Variants in TDRD5 observed in about 807,000 individuals in gnomAD.
TDRD5 encodes the protein tudor domain containing 5.
TDRD5 carries 41 observed loss-of-function variants against 120.6 expected under a neutral mutation model. The observed-to-expected ratio is 0.34, with a 90% CI of 0.26 to 0.44. The LOEUF (loss-of-function observed/expected upper bound fraction) is 0.44. TDRD5 is among the 20% of genes least tolerant of loss of function. The pLI is 1.00. For synonymous variants in TDRD5, 430 were observed against 433.7 expected, an observed-to-expected ratio of 0.99 and a Z score of 0.11; for missense variants, 1,006 against 1,221.2, an observed-to-expected ratio of 0.82 and a Z score of 2.63.
chr1:179,663,618 T>G (rs1679424203), intron 16 of TDRD5, 127 bp downstream of exon 16: 1 of 1,294,346 alleles, frequency 7.7e-7, no homozygotes, highest in Admixed American at 3.1e-5. Flanking sequence ...CTGTAGCTGT[T>G]ACTGTTGATG....
intron 17 of TDRD5, among the ~76,000 whole-genome samples, chr1:179,670,173 C>T (rs12096632): frequency 4.6e-5 from 7 of 152,010 alleles, no homozygotes; most frequent in African/African-American, 9.7e-5. Context: ...GGGTGGATCA[C>T]GAGGTCAGGA....
intron 4 of TDRD5, among the ~76,000 whole-genome samples, chr1:179,602,474 T>C (rs1374370074): frequency 6.6e-6 from 1 of 152,232 alleles, no homozygotes; most frequent in Non-Finnish European, 1.5e-5. Flanking sequence ...AGAAGGGTTT[T>C]TCCAATGTTA....
intron 11 of TDRD5, among the ~76,000 whole-genome samples, chr1:179,642,247 T>G (rs1445353705): frequency 6.6e-6 from 1 of 151,996 alleles, no homozygotes; most frequent in Non-Finnish European, 1.5e-5. Context: ...ATTATAGGCA[T>G]GTGCCACCAT....
intron 4 of TDRD5, among the ~76,000 whole-genome samples, chr1:179,609,626 G>C (rs1676175760): frequency 6.6e-6 from 1 of 152,162 alleles, no homozygotes; most frequent in Admixed American, 6.5e-5. Flanking sequence ...AGCAGACCAA[G>C]ACCTGCAGGT....
At chr1:179,625,793 G>A (rs1317245759) in intron 6 of TDRD5, among the ~76,000 whole-genome samples, 1 of 152,098 alleles carries the variant, frequency 6.6e-6, no homozygotes, top group South Asian at 2.1e-4. Context: ...TGGTACGTTT[G>A]TACAACAAAA....
At chr1:179,647,779 G>T (rs1391681112) in intron 11 of TDRD5, among the ~76,000 whole-genome samples, 2 of 149,376 alleles carry the variant, frequency 1.3e-5, no homozygotes, top group Non-Finnish European at 3.0e-5. Flanking sequence ...ATCAAAAAGT[G>T]GGCAAAGGAC....
At chr1:179,631,653 A>C (rs72706741) in intron 7 of TDRD5, among the ~76,000 whole-genome samples, 13,654 of 152,046 alleles carry the variant, frequency 0.09, 667 homozygotes, top group Middle Eastern at 0.12. Context: ...AGTTCCCAAA[A>C]ACCTTTCACC....
chr1:179,635,139 T>C (rs1215959199), intron 8 of TDRD5, among the ~76,000 whole-genome samples: 1 of 152,298 alleles, frequency 6.6e-6, no homozygotes, highest in African/African-American at 2.4e-5. Context: ...GCTTCTTTCA[T>C]GGAAGGAAAA....
intron 11 of TDRD5, among the ~76,000 whole-genome samples, chr1:179,649,321 T>C (rs1286750701): frequency 6.6e-6 from 1 of 152,170 alleles, no homozygotes; most frequent in Non-Finnish European, 1.5e-5. Context: ...TTTATATTTG[T>C]ATTCTTCTTA....
intron 6 of TDRD5, among the ~76,000 whole-genome samples, chr1:179,623,859 TA>T (rs1165469758): frequency 6.6e-6 from 1 of 152,008 alleles, no homozygotes; most frequent in East Asian, 1.9e-4. Context: ...GGCAGGTATT[TA>T]ACTCCTGCCC....
In TDRD5 at chr1:179,690,726, A is replaced by G; in HGVS notation, c.2891A>G (p.Glu964Gly). The G allele has an allele frequency of 6.2e-7, 1 of 1,614,074 alleles. No homozygotes were observed. Among genetic ancestry groups the G allele is most frequent in the Non-Finnish European group, 8.5e-7 (1 of 1,179,972 alleles). The change falls in exon 18 of 18, where the codon GAA becomes GGA. Residue 964 changes from glutamate (E) to glycine (G), a missense_variant. Coordinates refer to ENST00000444136, the MANE Select transcript of TDRD5 (RefSeq NM_001199085.3). The part of the protein sequence containing the change: ...VESSPEILKN[E>G]DFSSSRAITL... ...AGCTCACCAGAGATCCTAAAGAATG[A>G]AGATTTTTCTAGCAGCCGTGCTATT...
intron 17 of TDRD5, among the ~76,000 whole-genome samples, chr1:179,680,563 A>G (rs186558612): frequency 6.6e-6 from 1 of 152,138 alleles, no homozygotes; most frequent in Admixed American, 6.5e-5. Flanking sequence ...TTTGAAATCT[A>G]TTTAGTTGAT....
In TDRD5 at chr1:179,593,332, T is replaced by TA; in HGVS notation, c.233-127dup. The TA allele has an allele frequency of 1.2e-5, 12 of 1,032,350 alleles. No individual in the cohort carries two copies. In the South Asian group the frequency reaches 1.8e-4, roughly 16 times the overall value. 63.9% of individuals were successfully genotyped at this position (1,032,350 alleles called of 1,614,324 possible). A position where few individuals can be genotyped will look rare whatever the true frequency, so the allele number is the denominator to read the frequency against. On this transcript the variant is annotated intron_variant, in intron 2 of 17. Transcript: ENST00000444136. ...TGCAAGAAATCGAGGAACCAAGAGT[T>TA]ACTGTTTATCGTGCTGCCTGGATAA... is the stretch of plus-strand genomic sequence containing the variant.
chr1:179,613,859 A>G (rs770467181), intron 4 of TDRD5, among the ~76,000 whole-genome samples: 7 of 152,220 alleles, frequency 4.6e-5, no homozygotes, highest in Non-Finnish European at 8.8e-5. Context: ...ATACCTAACA[A>G]ATATTTAAGC....
rs1680490906 is a variant in TDRD5 at position 179,682,689 on chromosome 1, T to G, written c.2861-8007T>G. Among the ~76,000 whole-genome samples, 3 of 150,276 alleles carry G rather than the reference T, an allele frequency of 2.0e-5. No individual in the cohort carries two copies. The South Asian group carries it at 6.3e-4, about 32-fold the overall frequency. ...TGGGGAGATGCAGTTTAATTTCCCTTTTTTTTTTTCTTTCAGTGTTCCTTT... is the reference window on the plus strand; with the variant it reads ...TGGGGAGATGCAGTTTAATTTCCCTGTTTTTTTTTCTTTCAGTGTTCCTTT... On this transcript the variant is annotated intron_variant, in intron 17 of 17. Transcript: ENST00000444136.
At chr1:179,593,157 G>A (rs1675209153) in intron 2 of TDRD5, among the ~76,000 whole-genome samples, 2 of 152,236 alleles carry the variant, frequency 1.3e-5, no homozygotes, top group Non-Finnish European at 2.9e-5. Context: ...TTTAAATTTC[G>A]TGAAGCACAA....
rs372109979 is a variant in TDRD5, at chr1:179,592,398, A to C, written c.-14-204A>C. ...CATGGCCAGGGGCAGAGTTCTTGAC[A>C]CCTGTAGCTTAATCAACGCAGGTGG... On this transcript the variant is annotated intron_variant, in intron 1 of 17. Transcript: ENST00000444136. 63 of 524,354 alleles carry C rather than the reference A, an allele frequency of 1.2e-4. 1 individual carries two copies. In the East Asian group the frequency reaches 1.8e-3, roughly 15 times the overall value. The allele number at this position is 524,354 out of a possible 1,614,324, so 32.5% of individuals were successfully genotyped here.
rs185878115 is a variant in TDRD5, at chr1:179,684,158, A to G, written c.2861-6538A>G. ...GTTGTGCTACACCCATTAACTCGTCATTTACATTAGGTATATCTCCTAATG... is the reference window on the plus strand; with the variant it reads ...GTTGTGCTACACCCATTAACTCGTCGTTTACATTAGGTATATCTCCTAATG... On this transcript the variant is annotated intron_variant, in intron 17 of 17. Coordinates refer to ENST00000444136, the MANE Select transcript of TDRD5 (RefSeq NM_001199085.3). Among the ~76,000 whole-genome samples the G allele has an allele frequency of 1.2e-4, 19 of 152,122 alleles. No individual in the cohort carries two copies. The East Asian group carries it at 2.3e-3, about 19-fold the overall frequency.
At chr1:179,689,306 G>C (rs1485093974) in intron 17 of TDRD5, among the ~76,000 whole-genome samples, 1 of 152,210 alleles carries the variant, frequency 6.6e-6, no homozygotes, top group African/African-American at 2.4e-5. Context: ...GTTGGAGTTT[G>C]CTGGAGGTCC....
Sources: allele counts gnomAD v4.1 joint callset (sites outside exome capture counted in the v4.1 genomes callset), GRCh38; gene constraint gnomAD v4.1.1; transcripts MANE v1.5; gene names NCBI Gene and HGNC (gene_info 2026-07-23, HGNC 2026-07-21).